CEMIP: variants seen among roughly 807,000 people sequenced by gnomAD.
CEMIP encodes the protein cell migration inducing hyaluronidase 1.
In CEMIP, 105 loss-of-function variants were observed where a neutral mutation model predicts 156.9. That is an observed-to-expected ratio of 0.67 (90% confidence interval 0.57 to 0.79). CEMIP has a LOEUF of 0.79. CEMIP is among the 30% of genes least tolerant of loss of function. The pLI is 0.00. For synonymous variants in CEMIP, 676 were observed against 668.4 expected, an observed-to-expected ratio of 1.01 and a Z score of -0.17; for missense variants, 1,457 against 1,769.4, an observed-to-expected ratio of 0.82 and a Z score of 3.17.
chr15:80,866,709 C>T (rs1898138113), intron 1 of CEMIP, among the ~76,000 whole-genome samples: 1 of 150,664 alleles, frequency 6.6e-6, no homozygotes, highest in East Asian at 2.0e-4. Flanking sequence ...TGGCATGAAC[C>T]CGGGAGGCAG....
At chr15:80,796,715 A>C (rs17325183) in intron 1 of CEMIP, among the ~76,000 whole-genome samples, 1 of 151,826 alleles carries the variant, frequency 6.6e-6, no homozygotes, top group East Asian at 1.9e-4. Context: ...TTAATCAACC[A>C]CTCTACACCA....
chr15:80,833,562 G>C (rs1014071840), intron 1 of CEMIP, among the ~76,000 whole-genome samples: 15 of 152,056 alleles, frequency 9.9e-5, no homozygotes, highest in African/African-American at 3.6e-4. Flanking sequence ...GGGTATCAGA[G>C]ATGCAGTTTG....
intron 1 of CEMIP, among the ~76,000 whole-genome samples, chr15:80,799,583 G>T (rs1260262440): frequency 6.6e-6 from 1 of 152,156 alleles, no homozygotes; most frequent in Non-Finnish European, 1.5e-5. Flanking sequence ...CAAAGGAAAA[G>T]AAATCAATAT....
intron 1 of CEMIP, among the ~76,000 whole-genome samples, chr15:80,785,528 T>C (rs948721035): frequency 1.3e-5 from 2 of 152,138 alleles, no homozygotes; most frequent in African/African-American, 2.4e-5. Context: ...GAGAAGGCAG[T>C]TGAATACATG....
intron 12 of CEMIP, chr15:80,897,353 G>A (rs1386882947): frequency 2.2e-6 from 1 of 455,892 alleles, no homozygotes; most frequent in Non-Finnish European, 4.4e-6. Flanking sequence ...TGGAGGCAAA[G>A]TTTAAAAAAT....
Position 80,949,350 on chromosome 15 carries a change from G to A in CEMIP, c.*426G>A, listed in dbSNP as rs768671547. 90 of 305,452 alleles carry A rather than the reference G, an allele frequency of 2.9e-4. 1 individual carries two copies. Among genetic ancestry groups the A allele is most frequent in the Middle Eastern group, 2.3e-3 (2 of 858 alleles). 18.9% of individuals were successfully genotyped at this position (305,452 alleles called of 1,614,324 possible). On this transcript the variant is annotated 3_prime_UTR_variant, in exon 30 of 30. Coordinates refer to ENST00000394685, the MANE Select transcript of CEMIP (RefSeq NM_001293298.2). ...CATGGTCTTCAGCAGACAAGTGAGG[G>A]TGGTAAATGTAGGAGAAAGAGCCTT...
intron 1 of CEMIP, among the ~76,000 whole-genome samples, chr15:80,854,069 T>G (rs985929626): frequency 2.0e-5 from 3 of 152,274 alleles, no homozygotes; most frequent in Non-Finnish European, 4.4e-5. Flanking sequence ...AACCAGGCAC[T>G]GTCCCCTGGG....
At chr15:80,819,033 G>A (rs1232284537) in intron 1 of CEMIP, among the ~76,000 whole-genome samples, 1 of 152,148 alleles carries the variant, frequency 6.6e-6, no homozygotes, top group African/African-American at 2.4e-5. Context: ...AGCCCAGCCT[G>A]GGCATCTTCA....
rs1452791061 is a variant in CEMIP at position 80,933,473 on chromosome 15, TTC to T, written c.3009+15_3009+16del. The T allele has an allele frequency of 6.2e-7, 1 of 1,607,268 alleles. No individual in the cohort carries two copies. Among genetic ancestry groups the T allele is most frequent in the South Asian group, 1.1e-5 (1 of 90,932 alleles). On this transcript the variant is annotated intron_variant, in intron 23 of 29. Coordinates refer to ENST00000394685, the MANE Select transcript of CEMIP (RefSeq NM_001293298.2). ...GTGCTATGCACAGGTGGGGACACCA[TTC>T]TGGGGGCCGGCCACTCACTTATTCA...
intron 25 of CEMIP, 67 bp from the exon 26 acceptor site, chr15:80,941,782 T>A: frequency 7.0e-7 from 1 of 1,423,710 alleles, no homozygotes; most frequent in Non-Finnish European, 9.8e-7. Context: ...AATGTCTCGG[T>A]GGGTGGGAGG....
chr15:80,947,423 G>C, intron 29 of CEMIP: 1 of 290,518 alleles, frequency 3.4e-6, no homozygotes, highest in South Asian at 3.9e-5. Flanking sequence ...GACTGGCCAG[G>C]GGTCCTGCAT....
At chr15:80,830,938 A>G (rs932529782) in intron 1 of CEMIP, among the ~76,000 whole-genome samples, 6 of 152,156 alleles carry the variant, frequency 3.9e-5, no homozygotes, top group African/African-American at 1.4e-4. Context: ...TTCAACATGT[A>G]CTGAATGTTT....
In CEMIP at chr15:80,917,979, T is replaced by C. The variant is rs137873142; in HGVS notation, c.1798-2115T>C. On this transcript the variant is annotated intron_variant, in intron 14 of 29. Transcript: ENST00000394685. ...GGAGTTGGGGAGTAGGCGGCTGTCA[T>C]ATGAAAGACCCTGGGCCAGGTGCAG... Among the ~76,000 whole-genome samples, 71 of 152,248 alleles carry C rather than the reference T, an allele frequency of 4.7e-4. No homozygotes were observed. The East Asian group carries it at 0.013, about 28-fold the overall frequency.
chr15:80,831,019 G>A (rs1897145105), intron 1 of CEMIP, among the ~76,000 whole-genome samples: 1 of 152,206 alleles, frequency 6.6e-6, no homozygotes. Context: ...CATGTAGGCA[G>A]AAGTAAATCA....
intron 1 of CEMIP, among the ~76,000 whole-genome samples, chr15:80,829,251 C>T (rs893217770): frequency 2.0e-5 from 3 of 152,296 alleles, no homozygotes; most frequent in South Asian, 2.1e-4. Context: ...TTGTCTTTCC[C>T]GCTTGGGCCC....
chr15:80,813,946 C>A (rs1023779694), intron 1 of CEMIP, among the ~76,000 whole-genome samples: 2 of 150,576 alleles, frequency 1.3e-5, no homozygotes, highest in African/African-American at 4.9e-5. Flanking sequence ...TGAAGTAGTT[C>A]TAATACCTGG....
rs75271748 is a variant in CEMIP at position 80,855,399 on chromosome 15, G to A, written c.-175-18139G>A. ...GAGTGGTGGAACTGGGAACTGAGCCGAGGACACCTGCCTCCAAAGCATCTT... is the reference window on the plus strand; with the variant it reads ...GAGTGGTGGAACTGGGAACTGAGCCAAGGACACCTGCCTCCAAAGCATCTT... On this transcript the variant is annotated intron_variant, in intron 1 of 29. Transcript: ENST00000394685. 2.1e-3 allele frequency among the ~76,000 whole-genome samples: 318 copies of A among 152,290 alleles called. 1 individual carries two copies. Among genetic ancestry groups the A allele is most frequent in the African/African-American group, 7.1e-3 (296 of 41,552 alleles).
chr15:80,832,322 C>CTCTGTGTGTGTGTGTGTGTGTGTG (rs1555429057), intron 1 of CEMIP, among the ~76,000 whole-genome samples: 22 of 127,984 alleles, frequency 1.7e-4, no homozygotes, highest in South Asian at 1.1e-3. Flanking sequence ...AAAATAAACT[C>CTCTGTGTGTGTGTGTGTGTGTGTG]TGTGTGTGTG....
At chr15:80,898,412 G>A (rs1899320840) in intron 12 of CEMIP, among the ~76,000 whole-genome samples, 1 of 152,172 alleles carries the variant, frequency 6.6e-6, no homozygotes, top group Non-Finnish European at 1.5e-5. Flanking sequence ...ATGAATGTTA[G>A]CTCTTATTAT....
Sources: gnomAD v4.1 joint callset for allele counts (sites outside exome capture counted in the v4.1 genomes callset) on GRCh38, gnomAD v4.1.1 for gene constraint, MANE v1.5 for transcripts, NCBI Gene and HGNC (gene_info 2026-07-23, HGNC 2026-07-21) for gene names.